The following NPAS3 variants were observed in gnomAD, a reference collection of about 807,000 sequenced individuals.
The protein encoded by NPAS3 is neuronal PAS domain protein 3, also known as neuronal PAS domain-containing protein 3.
In NPAS3, 14 loss-of-function variants were observed where a neutral mutation model predicts 73.1. The ratio of observed to expected loss-of-function variants is 0.19; its 90% CI spans 0.13 to 0.30. The LOEUF (loss-of-function observed/expected upper bound fraction) is 0.30, where lower values mean the gene tolerates loss of function less well. NPAS3 is among the 10% of genes least tolerant of loss of function. The pLI, the probability that NPAS3 is intolerant of heterozygous loss-of-function variation, is 1.00. For synonymous variants in NPAS3, 620 were observed against 541.5 expected (o/e 1.14, Z -2.01); for missense variants, 1,096 against 1,250.0 (o/e 0.88, Z 1.86).
At chr14:33,450,804 C>T (rs764804113) in intron 4 of NPAS3, among the ~76,000 whole-genome samples, 1 of 152,166 alleles carries the variant, frequency 6.6e-6, no homozygotes, top group Non-Finnish European at 1.5e-5. Context: ...TCCCCAAATA[C>T]AACTAGATGT....
At chr14:33,609,693 C>G (rs1291034493) in intron 5 of NPAS3, among the ~76,000 whole-genome samples, 1 of 151,992 alleles carries the variant, frequency 6.6e-6, no homozygotes, top group South Asian at 2.1e-4. Context: ...TTGAAATTAG[C>G]CTTTGTGGGT....
chr14:33,277,404 C>G (rs891349394), intron 3 of NPAS3, among the ~76,000 whole-genome samples: 1 of 152,104 alleles, frequency 6.6e-6, no homozygotes, highest in African/African-American at 2.4e-5. Context: ...CTGCTGTATG[C>G]TGGGTACTTG....
chr14:33,752,595 T>C (rs2061995779), intron 7 of NPAS3, among the ~76,000 whole-genome samples: 1 of 152,218 alleles, frequency 6.6e-6, no homozygotes, highest in Non-Finnish European at 1.5e-5. Flanking sequence ...TTCAGTCACT[T>C]TATAGACATA....
intron 4 of NPAS3, among the ~76,000 whole-genome samples, chr14:33,444,376 T>C (rs10130850): frequency 0.36 from 55,186 of 152,074 alleles, 11,606 homozygotes; most frequent in African/African-American, 0.57. Context: ...TGACATGGGG[T>C]TGTTAAGCCT....
intron 5 of NPAS3, among the ~76,000 whole-genome samples, chr14:33,564,394 C>G (rs1180190775): frequency 1.3e-5 from 2 of 152,170 alleles, no homozygotes; most frequent in East Asian, 3.9e-4. Flanking sequence ...TTTGCTTCCA[C>G]TGGAGTCCAT....
At chr14:33,147,730 A>AAAAAAAAAATATATAT (rs372663411) in intron 2 of NPAS3, among the ~76,000 whole-genome samples, 3 of 130,388 alleles carry the variant, frequency 2.3e-5, no homozygotes, top group African/African-American at 9.7e-5. Context: ...TAGAATAAAA[A>AAAAAAAAAATATATAT]ATATATATAT....
intron 2 of NPAS3, among the ~76,000 whole-genome samples, chr14:33,073,795 G>A (rs1029427207): frequency 6.6e-6 from 1 of 152,204 alleles, no homozygotes; most frequent in Non-Finnish European, 1.5e-5. Context: ...GAATGTGTGG[G>A]ATTTTTGTAA....
At chr14:33,365,960 A>G (rs1226752249) in intron 3 of NPAS3, among the ~76,000 whole-genome samples, 2 of 152,310 alleles carry the variant, frequency 1.3e-5, no homozygotes, top group African/African-American at 4.8e-5. Flanking sequence ...TTTATTTTCA[A>G]TTAGTAGTAG....
At chr14:33,520,566 G>A (rs140498213) in intron 4 of NPAS3, among the ~76,000 whole-genome samples, 1 of 152,178 alleles carries the variant, frequency 6.6e-6, no homozygotes. Flanking sequence ...CAGGAGAGAT[G>A]GAGAAGCAAT....
intron 4 of NPAS3, among the ~76,000 whole-genome samples, chr14:33,480,540 G>A (rs924122185): frequency 2.0e-3 from 33 of 16,348 alleles, no homozygotes; most frequent in African/African-American, 9.3e-3. Flanking sequence ...TCCCCGCCCC[G>A]CCCCCACCCT....
At chr14:33,574,338 A>G (rs2056347979) in intron 5 of NPAS3, among the ~76,000 whole-genome samples, 1 of 152,094 alleles carries the variant, frequency 6.6e-6, no homozygotes, top group African/African-American at 2.4e-5. Flanking sequence ...GTCATTAGGA[A>G]AGGCAAAGAA....
At chr14:33,274,455 T>A (rs1422976040) in intron 3 of NPAS3, among the ~76,000 whole-genome samples, 1 of 152,266 alleles carries the variant, frequency 6.6e-6, no homozygotes, top group African/African-American at 2.4e-5. Flanking sequence ...TCCCTCCCCT[T>A]TTCTCTGGCC....
At chr14:33,772,108 C>T (rs896528157) in intron 7 of NPAS3, among the ~76,000 whole-genome samples, 1 of 152,136 alleles carries the variant, frequency 6.6e-6, no homozygotes, top group Non-Finnish European at 1.5e-5. Flanking sequence ...TTTTGAAAAA[C>T]ACCAAATTAA....
chr14:32,991,148 T>G (rs2038318336), intron 1 of NPAS3, among the ~76,000 whole-genome samples: 2 of 151,552 alleles, frequency 1.3e-5, no homozygotes, highest in Admixed American at 6.6e-5. Flanking sequence ...TTTTTTAATT[T>G]TTTTTTTTGT....
At chr14:33,680,922 A>G (rs1459164083) in intron 6 of NPAS3, 2 of 430,686 alleles carry the variant, frequency 4.6e-6, no homozygotes, top group African/African-American at 4.0e-5. Context: ...TAGGATCATC[A>G]TTATAGTAGT....
At chr14:33,581,794 G>A (rs557620248) in intron 5 of NPAS3, among the ~76,000 whole-genome samples, 4 of 152,176 alleles carry the variant, frequency 2.6e-5, no homozygotes, top group East Asian at 3.9e-4. Context: ...GGCTGGTCTC[G>A]AATTTCTGGG....
chr14:33,362,255 A>G (rs953132741), intron 3 of NPAS3, among the ~76,000 whole-genome samples: 4 of 151,788 alleles, frequency 2.6e-5, no homozygotes, highest in African/African-American at 9.7e-5. Flanking sequence ...ACAATTTGTG[A>G]AAACGGACCC....
At chr14:33,347,501 C>G (rs2044797474) in intron 3 of NPAS3, among the ~76,000 whole-genome samples, 1 of 152,242 alleles carries the variant, frequency 6.6e-6, no homozygotes. Flanking sequence ...GCTTTTCCAA[C>G]TATTCATTGC....
intron 4 of NPAS3, among the ~76,000 whole-genome samples, chr14:33,394,957 A>G (rs559376008): frequency 6.6e-6 from 1 of 152,292 alleles, no homozygotes; most frequent in South Asian, 2.1e-4. Context: ...CAATATTAGA[A>G]TCATCAAACT....
Sources: gnomAD v4.1 joint callset for allele counts (sites outside exome capture counted in the v4.1 genomes callset) on GRCh38, gnomAD v4.1.1 for gene constraint, MANE v1.5 for transcripts, NCBI Gene and HGNC (gene_info 2026-07-23, HGNC 2026-07-21) for gene names.